Variants in TNFAIP3 observed in about 807,000 individuals in gnomAD.
TNFAIP3 encodes TNF alpha induced protein 3.
In TNFAIP3, 9 loss-of-function variants were observed where a neutral mutation model predicts 72.4. The observed-to-expected ratio is 0.12, with a 90% confidence interval of 0.07 to 0.22. The LOEUF is 0.22. Ranked by LOEUF, TNFAIP3 falls within the 10% of genes least tolerant of loss-of-function variation. The probability of loss-of-function intolerance (pLI) is 1.00; values close to 1 mark genes in which losing one functional copy is unlikely to be tolerated. For missense variants in TNFAIP3, 833 were observed against 1,018.7 expected, an observed-to-expected ratio of 0.82 and a Z score of 2.48; for synonymous variants, 339 against 372.6, an observed-to-expected ratio of 0.91 and a Z score of 1.04.
At chr6:137,868,106 A>G (rs1775906102) in intron 1 of TNFAIP3, 1 of 152,836 alleles carries the variant, frequency 6.5e-6, no homozygotes, top group African/African-American at 2.4e-5. Flanking sequence ...CAGTAGCAGC[A>G]GTGTAAGAGA....
At chr6:137,866,713 C>G (rs979200552), upstream of TNFAIP3, 1 of 152,484 alleles carries the variant, frequency 6.6e-6, no homozygotes, top group South Asian at 2.1e-4. Flanking sequence ...GAAATGCCCG[C>G]CCGGGTCCTG....
At chr6:137,867,131 G>A (rs992344890), upstream of TNFAIP3, 142 of 151,618 alleles carry the variant, frequency 9.4e-4, 1 homozygote, top group African/African-American at 3.1e-3. This position sits in a 1 kb window ranked among gnomAD's most constrained non-coding sequence, Gnocchi z 6.0. Context: ...CTCGCCCCCT[G>A]CGCCCTCTGG....
intron 1 of TNFAIP3, among the ~76,000 whole-genome samples, chr6:137,869,492 G>T (rs186343295): frequency 1.6e-4 from 24 of 152,338 alleles, no homozygotes; most frequent in African/African-American, 5.8e-4. Flanking sequence ...AATTCCACCT[G>T]TAGAGGACGT....
chr6:137,876,281 T>C (rs534318809), intron 5 of TNFAIP3, 115 bp downstream of exon 5: 4 of 897,738 alleles, frequency 4.5e-6, no homozygotes, highest in East Asian at 2.7e-5. Flanking sequence ...TTTAAATATA[T>C]TGTTCTGTGA....
At chr6:137,880,343 C>T (rs922492938) in intron 8 of TNFAIP3, 91 bp downstream of exon 8, 2 of 1,382,644 alleles carry the variant, frequency 1.4e-6, no homozygotes, top group Admixed American at 1.8e-5. Context: ...GCAGGCTTTC[C>T]TCTCTGCCAG....
chr6:137,873,175 T>A (rs992395972), intron 2 of TNFAIP3, among the ~76,000 whole-genome samples: 1 of 151,986 alleles, frequency 6.6e-6, no homozygotes, highest in African/African-American at 2.4e-5. Context: ...GAAAAGATAT[T>A]TAGGGAGGGA....
At chr6:137,877,495 C>T (rs1776292135) in intron 6 of TNFAIP3, among the ~76,000 whole-genome samples, 2 of 152,184 alleles carry the variant, frequency 1.3e-5, no homozygotes, top group Admixed American at 1.3e-4. Context: ...ATATCTGGAT[C>T]CCAAAAGTCA....
rs145419088 is a variant in TNFAIP3, at chr6:137,870,281, C to A, written c.-15-932C>A. Among the ~76,000 whole-genome samples the A allele has an allele frequency of 7.6e-3, 1,149 of 152,168 alleles. 12 individuals are homozygous for A. Among genetic ancestry groups the A allele is most frequent in the Non-Finnish European group, 0.011 (771 of 68,000 alleles). On this transcript the variant is annotated intron_variant, in intron 1 of 8. Transcript: ENST00000612899. Reference sequence around the variant, plus strand: ...AATTTATTGTTCTATTATTATTTTGCGGTTTTTCATTTTTTGTTTTCGTAG... The same window carrying A: ...AATTTATTGTTCTATTATTATTTTGAGGTTTTTCATTTTTTGTTTTCGTAG...
In TNFAIP3 at chr6:137,877,160, A is replaced by T; in HGVS notation, c.890A>T (p.Glu297Val). ...KVHFLTDPEN[E>V]MKEKLLKEYL... ...CACTTTTTGACAGATCCTGAAAATGAGATGAAGGAGAAGCTCTTAAAAGAG... is the reference window on the plus strand; with the variant it reads ...CACTTTTTGACAGATCCTGAAAATGTGATGAAGGAGAAGCTCTTAAAAGAG... The change falls in exon 6 of 9, where the codon GAG becomes GTG. Residue 297 changes from glutamate (E) to valine (V), a missense_variant. By Grantham distance (121) the Glu-to-Val change is moderately radical (BLOSUM62 -2). Coordinates refer to ENST00000612899, the MANE Select transcript of TNFAIP3 (RefSeq NM_001270508.2). 1 of 1,614,092 alleles carries T rather than the reference A, an allele frequency of 6.2e-7. No individual in the cohort carries two copies. The highest frequency in any genetic ancestry group is 8.5e-7 in the Non-Finnish European group (1 of 1,179,976).
At chr6:137,870,863 C>T (rs1008318049) in intron 1 of TNFAIP3, among the ~76,000 whole-genome samples, 6 of 152,120 alleles carry the variant, frequency 3.9e-5, no homozygotes, top group Admixed American at 1.3e-4. Flanking sequence ...CAGAATGAAA[C>T]GGGAGCTTAA....
rs2114506262 is a variant in TNFAIP3, at chr6:137,879,298, C to A, written c.1853C>A (p.Pro618Gln). The change falls in exon 7 of 9, where the codon CCA (proline) becomes CAA (glutamine). Residue 618 changes from proline (P) to glutamine (Q), a missense_variant. Coordinates refer to ENST00000612899, the MANE Select transcript of TNFAIP3 (RefSeq NM_001270508.2). Reference protein sequence around the residue: ...RKAGCVYFGTPENKGFCTLCF... With the variant: ...RKAGCVYFGTQENKGFCTLCF... The stretch of plus-strand genomic sequence containing the variant: ...GCCGGCTGCGTGTATTTTGGGACTC[C>A]AGAAAACAAGGGCTTTTGCACACTG... The A allele has an allele frequency of 3.1e-6, 5 of 1,614,190 alleles. No homozygotes were observed. The South Asian group carries it at 4.4e-5, about 14-fold the overall frequency.
Position 137,871,312 on chromosome 6 carries a change from A to T in TNFAIP3, c.85A>T (p.Ile29Phe), listed in dbSNP as rs376163335. Reference sequence around the variant, plus strand: ...GATACGGGAGAGAACTCCAGAAGACATTTTTAAACCTACTAATGGGATCAT... The same window carrying T: ...GATACGGGAGAGAACTCCAGAAGACTTTTTTAAACCTACTAATGGGATCAT... ...VKIRERTPED[I>F]FKPTNGIIHH... Residue 29 changes from isoleucine (I) to phenylalanine (F), a missense_variant, in exon 2 of 9, where the codon ATT becomes TTT. By Grantham distance (21) the Ile-to-Phe change is conservative. Coordinates refer to ENST00000612899, the MANE Select transcript of TNFAIP3 (RefSeq NM_001270508.2). The surrounding 1 kb of genome is among the most constrained non-coding windows in gnomAD (Gnocchi z 4.2). 1.2e-5 allele frequency: 19 copies of T among 1,614,158 alleles called. No individual in the cohort carries two copies. The highest frequency in any genetic ancestry group is 1.6e-5 in the Non-Finnish European group (19 of 1,180,034).
chr6:137,870,302 C>T (rs1259197448), intron 1 of TNFAIP3, among the ~76,000 whole-genome samples: 2 of 151,928 alleles, frequency 1.3e-5, no homozygotes, highest in East Asian at 1.9e-4. Context: ...TTTTTGTTTT[C>T]GTAGAGACCT....
rs190521073 is a variant in TNFAIP3 at position 137,877,594 on chromosome 6, A to G, written c.986+338A>G. Among the ~76,000 whole-genome samples, 3 of 152,346 alleles carry G rather than the reference A, an allele frequency of 2.0e-5. No homozygotes were observed. In the East Asian group the frequency reaches 5.8e-4, roughly 29 times the overall value. The stretch of plus-strand genomic sequence containing the variant: ...TTGTATTTTAATTACTCTGGTACAT[A>G]TTAAAAAGACTAGTGAAAACACTTG... On this transcript the variant is annotated intron_variant, in intron 6 of 8. Coordinates refer to ENST00000612899, the MANE Select transcript of TNFAIP3 (RefSeq NM_001270508.2).
intron 1 of TNFAIP3, among the ~76,000 whole-genome samples, chr6:137,869,842 C>T (rs1480550118): frequency 2.0e-5 from 3 of 152,178 alleles, no homozygotes; most frequent in Non-Finnish European, 4.4e-5. Flanking sequence ...TGTGAAATTT[C>T]CTAGGGAATG....
intron 4 of TNFAIP3, 53 bp from the exon 5 acceptor site, chr6:137,875,943 A>T (rs2114484196): frequency 6.3e-7 from 1 of 1,599,364 alleles, no homozygotes; most frequent in African/African-American, 1.3e-5. Flanking sequence ...GTTCAATGGA[A>T]TTTGATGAAA....
chr6:137,881,177 G>C lies in TNFAIP3; in HGVS notation c.2231G>C (p.Gly744Ala). ...MECQHPNQRM[G>A]PGAHRGEPAP... ...TGTCAGCATCCCAACCAGAGGATGG[G>C]CCCTGGGGCCCACCGGGGTGAGCCT... The change falls in exon 9 of 9, where the codon GGC becomes GCC. Residue 744 changes from glycine (G) to alanine (A), a missense_variant. By Grantham distance (60) the Gly-to-Ala change is moderately conservative. Transcript: ENST00000612899. The surrounding 1 kb of genome is among the most constrained non-coding windows in gnomAD (Gnocchi z 5.0). 6.2e-7 allele frequency: 1 copy of C among 1,613,734 alleles called. No homozygotes were observed. The highest frequency in any genetic ancestry group is 1.1e-5 in the South Asian group (1 of 91,054).
At chr6:137,876,285 T>C in intron 5 of TNFAIP3, 119 bp downstream of exon 5, 1 of 869,656 alleles carries the variant, frequency 1.1e-6, no homozygotes, top group Non-Finnish European at 1.8e-6. Context: ...AATATATTGT[T>C]CTGTGACTTG....
At chr6:137,869,961 G>C (rs912589051) in intron 1 of TNFAIP3, among the ~76,000 whole-genome samples, 2 of 152,220 alleles carry the variant, frequency 1.3e-5, no homozygotes, top group Non-Finnish European at 2.9e-5. Flanking sequence ...GTTCCACACT[G>C]GAGAGATCCT....
Sources: allele counts gnomAD v4.1 joint callset (sites outside exome capture counted in the v4.1 genomes callset), GRCh38; gene constraint gnomAD v4.1.1; non-coding constraint Gnocchi (gnomAD v3.1); transcripts MANE v1.5; gene names NCBI Gene and HGNC (gene_info 2026-07-23, HGNC 2026-07-21).